Variants in REPS1 observed in about 807,000 individuals in gnomAD.
REPS1 encodes RALBP1 associated Eps domain containing 1.
Under a neutral mutation model 100.9 loss-of-function variants are expected in REPS1, and 39 were observed. The observed-to-expected ratio is 0.39, with a 90% CI of 0.30 to 0.50. The LOEUF (loss-of-function observed/expected upper bound fraction) is 0.50. Among genes scored for constraint, REPS1 ranks in the 20% least tolerant of loss-of-function variants. The probability of loss-of-function intolerance (pLI) is 0.86; values close to 1 mark genes in which losing one functional copy is unlikely to be tolerated. For missense variants in REPS1, 821 were observed against 968.5 expected (o/e 0.85, Z 2.02); for synonymous variants, 324 against 340.3 (o/e 0.95, Z 0.53).
At chr6:138,980,088 C>T (rs1021709427) in intron 1 of REPS1, among the ~76,000 whole-genome samples, 2 of 152,142 alleles carry the variant, frequency 1.3e-5, no homozygotes, top group African/African-American at 4.8e-5. Context: ...TGGCAACTTC[C>T]AGCAACATCC....
At position 138,911,321 on chromosome 6, in the gene REPS1, A is replaced by G. The variant is rs1274989562; in HGVS notation, c.2022T>C (p.Asp674=). Residue 674 remains aspartate (D), a synonymous_variant, in exon 17 of 20, where the codon GAT becomes GAC. Coordinates refer to ENST00000450536, the MANE Select transcript of REPS1 (RefSeq NM_001286611.2). ...PASSLRVAKT[D]SKTEEKTAAS... is the part of the protein sequence containing the mutation. The stretch of plus-strand genomic sequence containing the variant: ...CAGCTGTCTTTTCTTCAGTTTTACT[A>G]TCTGTTTTGGCAACTCGAAGAGAAC... 1.2e-6 allele frequency: 2 copies of G among 1,613,822 alleles called. No individual in the cohort carries two copies. Among genetic ancestry groups the G allele is most frequent in the East Asian group, 4.5e-5 (2 of 44,838 alleles).
chr6:138,920,949 C>CTTAAAAAATAAA, intron 11 of REPS1, 88 bp downstream of exon 11: 1 of 898,002 alleles, frequency 1.1e-6, no homozygotes, highest in Middle Eastern at 2.2e-4. Context: ...AAAAAATAAG[C>CTTAAAAAATAAA]GATGAAAGAA....
chr6:138,962,313 T>A (rs1174620826), intron 1 of REPS1, among the ~76,000 whole-genome samples: 1 of 152,014 alleles, frequency 6.6e-6, no homozygotes, highest in African/African-American at 2.4e-5. Context: ...CCCTTCCCAA[T>A]GATACAATGG....
chr6:138,944,054 T>C (rs377054003), intron 5 of REPS1, 39 bp from the exon 6 acceptor site: 7 of 1,580,340 alleles, frequency 4.4e-6, no homozygotes, highest in Non-Finnish European at 6.1e-6. Context: ...AATATCTACC[T>C]ACATGATTAT....
intron 8 of REPS1, among the ~76,000 whole-genome samples, chr6:138,939,149 T>C (rs1184541024): frequency 6.6e-6 from 1 of 152,184 alleles, no homozygotes; most frequent in African/African-American, 2.4e-5. Flanking sequence ...TTATATTACA[T>C]CACCCCAGAA....
chr6:138,954,335 A>T (rs1783237357), intron 1 of REPS1, among the ~76,000 whole-genome samples: 1 of 152,122 alleles, frequency 6.6e-6, no homozygotes, highest in Admixed American at 6.6e-5. Context: ...CCTAACACAA[A>T]GAAATGATAA....
At chr6:138,960,665 T>C (rs1380354572) in intron 1 of REPS1, among the ~76,000 whole-genome samples, 1 of 152,188 alleles carries the variant, frequency 6.6e-6, no homozygotes, top group East Asian at 1.9e-4. Flanking sequence ...AGATACATGC[T>C]GGAAAAGGAG....
chr6:138,979,961 C>T (rs1359191259), intron 1 of REPS1, among the ~76,000 whole-genome samples: 1 of 152,136 alleles, frequency 6.6e-6, no homozygotes, highest in African/African-American at 2.4e-5. Flanking sequence ...GCCTACTTGA[C>T]AATCTTACAG....
chr6:138,911,546 G>T (rs189179332), intron 16 of REPS1, among the ~76,000 whole-genome samples, 175 bp from the exon 17 acceptor site: 1 of 152,374 alleles, frequency 6.6e-6, no homozygotes, highest in East Asian at 1.9e-4. Context: ...CTGAAAGGCA[G>T]ATGGGAGAGC....
chr6:138,947,189 T>C (rs1582801504), intron 2 of REPS1, among the ~76,000 whole-genome samples: 1 of 152,196 alleles, frequency 6.6e-6, no homozygotes, highest in East Asian at 1.9e-4. Flanking sequence ...CTCTTGTTTA[T>C]ACATTACCCA....
rs184013078 is a variant in REPS1, at chr6:138,955,970, T to C, written c.154-8057A>G. Among the ~76,000 whole-genome samples the C allele has an allele frequency of 4.1e-3, 617 of 152,322 alleles. 6 individuals carry two copies. Among genetic ancestry groups the C allele is most frequent in the African/African-American group, 0.014 (572 of 41,554 alleles). ...TACTTTCCATTTACTACCCTGATCA[T>C]AGTGGACTTTATATAGTTAGAGACT... On this transcript the variant is annotated intron_variant, in intron 1 of 19. Coordinates refer to ENST00000450536, the MANE Select transcript of REPS1 (RefSeq NM_001286611.2).
At chr6:138,946,105 A>G (rs894028212) in intron 2 of REPS1, among the ~76,000 whole-genome samples, 5 of 152,244 alleles carry the variant, frequency 3.3e-5, no homozygotes, top group African/African-American at 9.6e-5. Context: ...AACCTAGATC[A>G]GTCAGACCCC....
chr6:138,931,453 T>C (rs1188892), intron 8 of REPS1, among the ~76,000 whole-genome samples: 53,866 of 152,030 alleles, frequency 0.35, 11,704 homozygotes, highest in Admixed American at 0.51. Context: ...CTTTCTGCTA[T>C]TGTTACATGC....
chr6:138,945,845 A>C (rs1300656755), intron 2 of REPS1, 148 bp from the exon 3 acceptor site: 1 of 606,724 alleles, frequency 1.6e-6, no homozygotes, highest in Non-Finnish European at 2.7e-6. Context: ...CAAAATTTGG[A>C]CCACCATCTC....
chr6:138,961,056 T>C (rs1783706073), intron 1 of REPS1, among the ~76,000 whole-genome samples: 2 of 152,186 alleles, frequency 1.3e-5, no homozygotes, highest in Non-Finnish European at 2.9e-5. Context: ...AAGTCAGCTA[T>C]TCTTTCAAGA....
chr6:138,957,478 G>T (rs1184632803), intron 1 of REPS1, among the ~76,000 whole-genome samples: 1 of 152,160 alleles, frequency 6.6e-6, no homozygotes, highest in Non-Finnish European at 1.5e-5. Flanking sequence ...CAACCAGGCA[G>T]AAACTTTTAA....
chr6:138,983,872 A>G (rs1785094147), intron 1 of REPS1, among the ~76,000 whole-genome samples: 1 of 152,150 alleles, frequency 6.6e-6, no homozygotes, highest in Non-Finnish European at 1.5e-5. Flanking sequence ...CACTGTCTCC[A>G]AGAGATCTGA....
At chr6:138,932,712 C>T (rs1372488770) in intron 8 of REPS1, among the ~76,000 whole-genome samples, 1 of 152,148 alleles carries the variant, frequency 6.6e-6, no homozygotes, top group Non-Finnish European at 1.5e-5. Flanking sequence ...CGTGGAACAC[C>T]ATTTTTCCTG....
chr6:138,957,876 T>C (rs920183715), intron 1 of REPS1, among the ~76,000 whole-genome samples: 17 of 152,220 alleles, frequency 1.1e-4, no homozygotes, highest in East Asian at 1.9e-4. Flanking sequence ...TTTCAACTTT[T>C]AGATTCAACC....
Sources: gnomAD v4.1 joint callset for allele counts (sites outside exome capture counted in the v4.1 genomes callset) on GRCh38, gnomAD v4.1.1 for gene constraint, MANE v1.5 for transcripts, NCBI Gene and HGNC (gene_info 2026-07-23, HGNC 2026-07-21) for gene names.